DPY19L2: variants seen among roughly 807,000 people sequenced by gnomAD.
DPY19L2 encodes the protein probable C-mannosyltransferase DPY19L2.
DPY19L2 carries 34 observed loss-of-function variants against 97.9 expected under a neutral mutation model. That is an observed-to-expected ratio of 0.35 (90% confidence interval 0.26 to 0.46). The LOEUF (loss-of-function observed/expected upper bound fraction) is 0.46. DPY19L2 is among the 20% of genes least tolerant of loss of function. The pLI, the probability that DPY19L2 is intolerant of heterozygous loss-of-function variation, is 1.00. For missense variants in DPY19L2, 623 were observed against 911.4 expected, an observed-to-expected ratio of 0.68 and a Z score of 4.07; for synonymous variants, 230 against 307.9, an observed-to-expected ratio of 0.75 and a Z score of 2.65.
intron 6 of DPY19L2, among the ~76,000 whole-genome samples, chr12:63,639,062 C>T (rs528319356): frequency 6.6e-6 from 1 of 152,192 alleles, no homozygotes; most frequent in South Asian, 2.1e-4. Context: ...TATCTACAAC[C>T]ATCTGATCTT....
At position 63,621,180 on chromosome 12, in the gene DPY19L2, G is replaced by A. The variant is rs186666651; in HGVS notation, c.1053+58C>T. Reference sequence around the variant, plus strand: ...CCTACATAACAAACCTGTACATCCCGCACATGTACCCCAGAACTTAAAATA... The same window carrying A: ...CCTACATAACAAACCTGTACATCCCACACATGTACCCCAGAACTTAAAATA... On this transcript the variant is annotated intron_variant, in intron 9 of 21. Transcript: ENST00000324472. 3.8e-4 allele frequency: 450 copies of A among 1,174,546 alleles called. No homozygotes were observed. The East Asian group carries it at 4.1e-3, about 11-fold the overall frequency. The allele number at this position is 1,174,546 out of a possible 1,614,324, so 72.8% of individuals were successfully genotyped here.
chr12:63,639,517 A>C (rs996794823), intron 6 of DPY19L2, among the ~76,000 whole-genome samples: 1 of 152,150 alleles, frequency 6.6e-6, no homozygotes, highest in African/African-American at 2.4e-5. Context: ...AAAATCAAAC[A>C]ACCCCATCAA....
chr12:63,600,911 G>A (rs1417760314), intron 12 of DPY19L2, among the ~76,000 whole-genome samples: 2 of 151,192 alleles, frequency 1.3e-5, no homozygotes, highest in Admixed American at 6.6e-5. Context: ...TCAGCCTCCC[G>A]AGTAGCTGGG....
At chr12:63,636,407 G>C (rs1322132809) in intron 6 of DPY19L2, among the ~76,000 whole-genome samples, 1 of 152,056 alleles carries the variant, frequency 6.6e-6, no homozygotes, top group Admixed American at 6.6e-5. Context: ...ATAACAACAG[G>C]ATCAAATTCA....
intron 18 of DPY19L2, among the ~76,000 whole-genome samples, 155 bp downstream of exon 18, chr12:63,582,250 AG>A (rs1371426535): frequency 1.3e-5 from 2 of 152,184 alleles, no homozygotes; most frequent in Non-Finnish European, 2.9e-5. Flanking sequence ...TCTTGCTTAT[AG>A]TGAATCATGA....
At position 63,559,123 on chromosome 12, in the gene DPY19L2, C is replaced by T. The variant is rs1876041395; in HGVS notation, c.*1389G>A. ...TTTCTTTGACGCTCTCCTTTTTTATCCTGTGCTTACACCAAAAACAAATTA... is the reference window on the plus strand; with the variant it reads ...TTTCTTTGACGCTCTCCTTTTTTATTCTGTGCTTACACCAAAAACAAATTA... On this transcript the variant is annotated 3_prime_UTR_variant, in exon 22 of 22. Transcript: ENST00000324472. The T allele has an allele frequency of 1.3e-5, 2 of 152,024 alleles. No homozygotes were observed. Among genetic ancestry groups the T allele is most frequent in the African/African-American group, 2.4e-5 (1 of 41,396 alleles). The allele number at this position is 152,024 out of a possible 1,614,324, so 9.4% of individuals were successfully genotyped here. A position where few individuals can be genotyped will look rare whatever the true frequency, so the allele number is the denominator to read the frequency against.
chr12:63,566,623 T>C (rs1420248732), intron 21 of DPY19L2, among the ~76,000 whole-genome samples: 1 of 151,950 alleles, frequency 6.6e-6, no homozygotes, highest in Non-Finnish European at 1.5e-5. Context: ...AGTGTATCAA[T>C]AGTTTGACCC....
chr12:63,589,761 T>C (rs1242700798), intron 16 of DPY19L2, among the ~76,000 whole-genome samples: 2 of 152,144 alleles, frequency 1.3e-5, no homozygotes, highest in Non-Finnish European at 2.9e-5. Flanking sequence ...ATAAATGAAC[T>C]ATAAGTTGAC....
intron 12 of DPY19L2, among the ~76,000 whole-genome samples, chr12:63,601,723 AGAGT>A (rs1193931001): frequency 1.3e-5 from 2 of 152,168 alleles, no homozygotes; most frequent in Admixed American, 1.3e-4. Flanking sequence ...GCAGGGCCTA[AGAGT>A]GAGTAGGAAC....
rs183877679 is a variant in DPY19L2 at position 63,637,683 on chromosome 12, C to T, written c.803+6720G>A. On this transcript the variant is annotated intron_variant, in intron 6 of 21. Coordinates refer to ENST00000324472, the MANE Select transcript of DPY19L2 (RefSeq NM_173812.5). The stretch of plus-strand genomic sequence containing the variant: ...GAAGAAGTTGAATCCCTGAATAGAC[C>T]AATAACAGGCTCTGAAATTGAGGCA... 1.9e-3 allele frequency among the ~76,000 whole-genome samples: 286 copies of T among 152,088 alleles called. 2 individuals are homozygous for T. The highest frequency in any genetic ancestry group is 6.7e-3 in the African/African-American group (276 of 41,500).
intron 6 of DPY19L2, among the ~76,000 whole-genome samples, chr12:63,628,872 C>T (rs2137898988): frequency 6.6e-6 from 1 of 151,258 alleles, no homozygotes; most frequent in South Asian, 2.1e-4. Context: ...ACAAAATTTC[C>T]AGAGGAATGA....
At chr12:63,624,836 A>G (rs936711838) in intron 7 of DPY19L2, among the ~76,000 whole-genome samples, 8 of 152,138 alleles carry the variant, frequency 5.3e-5, no homozygotes, top group African/African-American at 1.9e-4. Flanking sequence ...TTACTTTGCA[A>G]GAGTCTTAAA....
At chr12:63,590,777 C>T (rs1031234658) in intron 16 of DPY19L2, among the ~76,000 whole-genome samples, 6 of 151,962 alleles carry the variant, frequency 3.9e-5, no homozygotes, top group East Asian at 1.9e-4. Context: ...CTTTTTGATA[C>T]GCTGGTTTTT....
chr12:63,654,148 A>G (rs192911035), intron 4 of DPY19L2, among the ~76,000 whole-genome samples: 1 of 152,072 alleles, frequency 6.6e-6, no homozygotes, highest in Non-Finnish European at 1.5e-5. Flanking sequence ...AGGAAGAAAT[A>G]AAAAAACATG....
At chr12:63,650,667 AAC>A (rs753338182) in intron 4 of DPY19L2, among the ~76,000 whole-genome samples, 15 of 152,200 alleles carry the variant, frequency 9.9e-5, no homozygotes, top group Non-Finnish European at 1.8e-4. Flanking sequence ...AGAATTACAA[AAC>A]ACTGCTGAAA....
chr12:63,668,191 A>C lies in DPY19L2; in HGVS notation c.203T>G (p.Leu68Trp). ...GGTCTTGGCCACCACCTCTAGCTCCAAGCCTTTTCGCTCTTTCAGACTTTG... is the reference window on the plus strand; with the variant it reads ...GGTCTTGGCCACCACCTCTAGCTCCCAGCCTTTTCGCTCTTTCAGACTTTG... The part of the protein sequence containing the change: ...RIQSLKERKG[L>W]ELEVVAKTFL... The change falls in exon 1 of 22, where the codon TTG becomes TGG. Residue 68 changes from leucine to tryptophan, a missense_variant. This residue lies in a region of DPY19L2 where 144 missense variants were observed against 119.4 expected (regional missense o/e 1.21). Transcript: ENST00000324472. The C allele has an allele frequency of 6.2e-7, 1 of 1,613,874 alleles. No homozygotes were observed. The highest frequency in any genetic ancestry group is 8.5e-7 in the Non-Finnish European group (1 of 1,179,922).
chr12:63,618,046 T>C, intron 10 of DPY19L2, 105 bp downstream of exon 10: 2 of 1,126,630 alleles, frequency 1.8e-6, no homozygotes, highest in Non-Finnish European at 2.5e-6. Context: ...CCATATGTAT[T>C]AAATATTACC....
chr12:63,639,678 A>G (rs7312787), intron 6 of DPY19L2, among the ~76,000 whole-genome samples: 7,618 of 152,156 alleles, frequency 0.05, 555 homozygotes, highest in African/African-American at 0.17. Context: ...TTAGAATGGC[A>G]ATCATTAAAA....
chr12:63,664,349 CA>C (rs147843833), intron 2 of DPY19L2, among the ~76,000 whole-genome samples: 11 of 149,636 alleles, frequency 7.4e-5, no homozygotes, highest in African/African-American at 2.7e-4. Flanking sequence ...AAAAAACAAA[CA>C]AAAAAAAACA....
Sources: gnomAD v4.1 joint callset for allele counts (sites outside exome capture counted in the v4.1 genomes callset) on GRCh38, gnomAD v4.1.1 for gene constraint, gnomAD v4.1.1 regional missense constraint, MANE v1.5 for transcripts, NCBI Gene and HGNC (gene_info 2026-07-23, HGNC 2026-07-21) for gene names.